PXDNL: variants seen among roughly 807,000 people sequenced by gnomAD.
PXDNL encodes the protein peroxidasin like, also known as probable oxidoreductase PXDNL.
Under a neutral mutation model 150.8 loss-of-function variants are expected in PXDNL, and 145 were observed. The observed-to-expected ratio is 0.96, with a 90% CI of 0.84 to 1.10. The LOEUF is 1.10. PXDNL is among the 50% of genes least tolerant of loss of function. The probability of loss-of-function intolerance (pLI) is 0.00; values close to 1 mark genes in which losing one functional copy is unlikely to be tolerated. For missense variants in PXDNL, 2,087 were observed against 1,873.9 expected, an observed-to-expected ratio of 1.11 and a Z score of -2.10; for synonymous variants, 757 against 725.7, an observed-to-expected ratio of 1.04 and a Z score of -0.69.
rs145280889 is a variant in PXDNL at position 51,393,969 on chromosome 8, G to T, written c.3557+14098C>A. On this transcript the variant is annotated intron_variant, in intron 17 of 22. Transcript: ENST00000356297. ...TTTATGGTAATTCATTACAGCAGTC[G>T]CAGGAAATAATATAGTGGCTAAAAG... Among the ~76,000 whole-genome samples the T allele has an allele frequency of 2.3e-3, 346 of 152,190 alleles. 2 individuals carry two copies. Among genetic ancestry groups the T allele is most frequent in the African/African-American group, 8.0e-3 (333 of 41,518 alleles).
At chr8:51,404,474 G>C (rs1444326526) in intron 17 of PXDNL, among the ~76,000 whole-genome samples, 1 of 150,934 alleles carries the variant, frequency 6.6e-6, no homozygotes, top group African/African-American at 2.5e-5. Flanking sequence ...CACATACAGA[G>C]TGCTGATTGG....
chr8:51,408,957 C>A lies in PXDNL; in HGVS notation c.2667G>T (p.Gln889His), dbSNP rs1399918953. ...TGGAGCCATCGATGTAGGCTGTTTG[C>A]TGGTTGATCTGCTCTCGTGCATAGA... ...DSVYAREQIN[Q>H]QTAYIDGSNV... is the part of the protein sequence containing the mutation. Residue 889 changes from glutamine to histidine, a missense_variant, in exon 17 of 23, where the codon CAG (glutamine) becomes CAT (histidine). Transcript: ENST00000356297. 1.2e-6 allele frequency: 2 copies of A among 1,612,640 alleles called. No individual in the cohort carries two copies. Among genetic ancestry groups the A allele is most frequent in the Admixed American group, 3.3e-5 (2 of 60,010 alleles).
At chr8:51,719,550 C>T (rs1816686112) in intron 1 of PXDNL, among the ~76,000 whole-genome samples, 1 of 151,858 alleles carries the variant, frequency 6.6e-6, no homozygotes, top group Non-Finnish European at 1.5e-5. Flanking sequence ...GACCTTTGTT[C>T]ACTTGTTTAT....
intron 2 of PXDNL, among the ~76,000 whole-genome samples, chr8:51,645,373 C>T (rs145876980): frequency 7.2e-5 from 11 of 152,288 alleles, no homozygotes; most frequent in Admixed American, 1.3e-4. Flanking sequence ...GGGCATCCTG[C>T]GCCCTGATTA....
At chr8:51,431,859 T>C (rs78269727) in intron 12 of PXDNL, among the ~76,000 whole-genome samples, 3,183 of 152,322 alleles carry the variant, frequency 0.021, 128 homozygotes, top group African/African-American at 0.072. Context: ...ATTGACTGTG[T>C]TTTCCCATTT....
intron 4 of PXDNL, among the ~76,000 whole-genome samples, chr8:51,514,911 C>T (rs1040148486): frequency 6.6e-6 from 1 of 152,192 alleles, no homozygotes; most frequent in African/African-American, 2.4e-5. Flanking sequence ...TGCAAAATTC[C>T]CATTTCATAA....
intron 2 of PXDNL, among the ~76,000 whole-genome samples, chr8:51,599,529 A>T (rs1813647216): frequency 2.0e-5 from 3 of 150,784 alleles, no homozygotes; most frequent in Non-Finnish European, 1.5e-5. Context: ...GGTTTTGAGA[A>T]ATGAAATTGA....
chr8:51,370,036 C>T (rs564552484), intron 19 of PXDNL, among the ~76,000 whole-genome samples: 2 of 152,298 alleles, frequency 1.3e-5, no homozygotes, highest in South Asian at 2.1e-4. Flanking sequence ...TACCAGGTGG[C>T]GGTGCGCACA....
At chr8:51,565,305 AATAAATAAATAAATAAATAGATAGATAG>A (rs1396251188) in intron 3 of PXDNL, among the ~76,000 whole-genome samples, 11 of 135,442 alleles carry the variant, frequency 8.1e-5, no homozygotes, top group African/African-American at 3.3e-4. Context: ...TAAATAAATA[AATAAATAAATAAATAAATAGATAGATAG>A]ATAGATAGAT....
At position 51,409,260 on chromosome 8, in the gene PXDNL, C is replaced by T. The variant is rs1480437453; in HGVS notation, c.2364G>A (p.Ala788=). ...GGTCGGGGGTGACGGCCGCCGCGCG[C>T]GCCCACACTGTGGCGACCAGCCGGG... ...PPPRLVATVW[A]RAAAVTPDHS... is the part of the protein sequence containing the mutation. The change falls in exon 17 of 23, where the codon GCG becomes GCA. Residue 788 remains alanine (A), a synonymous_variant. Coordinates refer to ENST00000356297, the MANE Select transcript of PXDNL (RefSeq NM_144651.5). The T allele has an allele frequency of 2.7e-6, 4 of 1,481,960 alleles. No individual in the cohort carries two copies. Among genetic ancestry groups the T allele is most frequent in the Non-Finnish European group, 3.6e-6 (4 of 1,119,864 alleles). The allele number at this position is 1,481,960 out of a possible 1,614,324, so 91.8% of individuals were successfully genotyped here.
chr8:51,793,508 T>C (rs889738865), intron 1 of PXDNL, among the ~76,000 whole-genome samples: 2 of 152,102 alleles, frequency 1.3e-5, no homozygotes, highest in East Asian at 1.9e-4. Flanking sequence ...TTAACAGAAG[T>C]AGGCTTCAGA....
chr8:51,379,905 T>C (rs1807480426), intron 17 of PXDNL, among the ~76,000 whole-genome samples: 1 of 152,186 alleles, frequency 6.6e-6, no homozygotes, highest in Non-Finnish European at 1.5e-5. Context: ...TTACTGAATA[T>C]GTCCTCACTT....
chr8:51,445,045 G>A (rs535311968), intron 12 of PXDNL, among the ~76,000 whole-genome samples: 5 of 151,556 alleles, frequency 3.3e-5, no homozygotes, highest in Non-Finnish European at 7.4e-5. Flanking sequence ...TCAGCCTCCC[G>A]AGTAGCTGGG....
chr8:51,363,263 G>C (rs1451272351), intron 19 of PXDNL, among the ~76,000 whole-genome samples: 1 of 152,130 alleles, frequency 6.6e-6, no homozygotes, highest in Non-Finnish European at 1.5e-5. Context: ...GCATATAGGG[G>C]AAGACATTAG....
intron 2 of PXDNL, among the ~76,000 whole-genome samples, chr8:51,645,631 T>C (rs1814901764): frequency 6.6e-6 from 1 of 152,132 alleles, no homozygotes; most frequent in Non-Finnish European, 1.5e-5. Context: ...TGCTGATAGA[T>C]GTAGGGTTTG....
intron 17 of PXDNL, 139 bp downstream of exon 17, chr8:51,407,928 T>G: frequency 1.4e-6 from 1 of 698,050 alleles, no homozygotes; most frequent in Non-Finnish European, 2.3e-6. Flanking sequence ...TCCTTTAATA[T>G]TAAACCTCTC....
intron 5 of PXDNL, among the ~76,000 whole-genome samples, chr8:51,486,986 G>C (rs1012862402): frequency 8.6e-5 from 13 of 150,776 alleles, no homozygotes; most frequent in Non-Finnish European, 1.0e-4. Context: ...GTAGAGACGG[G>C]GTTTCACCAT....
chr8:51,795,172 T>G (rs991720867), intron 1 of PXDNL, among the ~76,000 whole-genome samples: 5 of 152,190 alleles, frequency 3.3e-5, no homozygotes, highest in Non-Finnish European at 7.3e-5. Context: ...ACAAAGGGAC[T>G]TAGACTCCCA....
chr8:51,690,690 T>C (rs924109891), intron 1 of PXDNL, among the ~76,000 whole-genome samples: 1 of 152,072 alleles, frequency 6.6e-6, no homozygotes, highest in African/African-American at 2.4e-5. Flanking sequence ...TACCCAGTAA[T>C]GGGATGGCTG....
Sources: allele counts gnomAD v4.1 joint callset (sites outside exome capture counted in the v4.1 genomes callset), GRCh38; gene constraint gnomAD v4.1.1; transcripts MANE v1.5; gene names NCBI Gene and HGNC (gene_info 2026-07-23, HGNC 2026-07-21).